CHEK1: variants seen among roughly 807,000 people sequenced by gnomAD.
CHEK1 encodes the protein serine/threonine-protein kinase Chk1.
In CHEK1, 32 loss-of-function variants were observed where a neutral mutation model predicts 60.2. The observed-to-expected ratio is 0.53, with a 90% CI of 0.40 to 0.71. CHEK1 has a LOEUF of 0.71. CHEK1 is among the 30% of genes least tolerant of loss of function. The pLI is 0.00. For missense variants in CHEK1, 399 were observed against 564.6 expected (o/e 0.71, Z 2.97); for synonymous variants, 179 against 187.2 (o/e 0.96, Z 0.36).
intron 11 of CHEK1, among the ~76,000 whole-genome samples, chr11:125,651,495 T>A (rs1439496441): frequency 6.6e-6 from 1 of 151,422 alleles, no homozygotes; most frequent in African/African-American, 2.4e-5. Context: ...ACCATGTTGG[T>A]CAGGCTGGTC....
At chr11:125,668,777 G>C (rs1232033910) in intron 13 of CHEK1, among the ~76,000 whole-genome samples, 3 of 151,986 alleles carry the variant, frequency 2.0e-5, no homozygotes, top group African/African-American at 7.2e-5. Context: ...GGCTGGTCTT[G>C]AACTTCAGGG....
chr11:125,647,668 C>T (rs1159095613), intron 11 of CHEK1, among the ~76,000 whole-genome samples: 4 of 152,038 alleles, frequency 2.6e-5, no homozygotes, highest in African/African-American at 9.7e-5. Context: ...GTGGATTTTA[C>T]ATTTGTTTGG....
rs1036004503 is a variant in CHEK1 at position 125,655,649 on chromosome 11, A to G, written c.*329A>G. 4.1e-6 allele frequency: 1 copy of G among 243,440 alleles called. No individual in the cohort carries two copies. The highest frequency in any genetic ancestry group is 7.9e-6 in the Non-Finnish European group (1 of 125,900). 15.1% of individuals were successfully genotyped at this position (243,440 alleles called of 1,614,324 possible). The stretch of plus-strand genomic sequence containing the variant: ...AGTTTTCCAGCTTTTATACACACGT[A>G]TCTCATTTTTATCAAAACATTTTGT... On this transcript the variant is annotated 3_prime_UTR_variant, in exon 13 of 13. Transcript: ENST00000438015.
downstream of CHEK1, chr11:125,676,414 C>G (rs771165917): frequency 6.2e-7 from 1 of 1,614,090 alleles, no homozygotes; most frequent in Non-Finnish European, 8.5e-7. Flanking sequence ...TGCAGGTTCC[C>G]TCTCCACGAA....
intron 8 of CHEK1, among the ~76,000 whole-genome samples, chr11:125,639,221 A>G (rs1326021114): frequency 1.3e-5 from 2 of 152,082 alleles, no homozygotes. Context: ...TTGTACCTGC[A>G]CAACAGATTG....
chr11:125,633,271 T>C lies in CHEK1; in HGVS notation c.533T>C (p.Leu178Pro). ...CGTLPYVAPE[L>P]LKRREFHAEP... ...ACTTTACCATATGTTGCTCCAGAAC[T>C]TCTGAAGAGAAGAGAATTTCATGCA... Residue 178 changes from leucine to proline, a missense_variant, in exon 6 of 13, where the codon CTT (leucine) becomes CCT (proline). Physicochemically the swap from Leu to Pro is moderately conservative, Grantham distance 98. This residue lies in a region of CHEK1 where 370 missense variants were observed against 494.8 expected (regional missense o/e 0.75). Coordinates refer to ENST00000438015, the MANE Select transcript of CHEK1 (RefSeq NM_001114122.3). The C allele has an allele frequency of 6.2e-7, 1 of 1,607,944 alleles. No individual in the cohort carries two copies. The highest frequency in any genetic ancestry group is 8.5e-7 in the Non-Finnish European group (1 of 1,178,336).
chr11:125,678,161 G>T (rs775377936), downstream of CHEK1: 2 of 1,614,086 alleles, frequency 1.2e-6, no homozygotes, highest in African/African-American at 2.7e-5. Context: ...CACTTAAAGT[G>T]TTCAGGCCTG....
intron 13 of CHEK1, among the ~76,000 whole-genome samples, chr11:125,669,522 C>CTTTTTTTTTTTTTT (rs67333022): frequency 8.7e-6 from 1 of 114,702 alleles, no homozygotes; most frequent in Non-Finnish European, 1.8e-5. Flanking sequence ...TTCTTTTTTC[C>CTTTTTTTTTTTTTT]TTTTTTTTTT....
At chr11:125,628,346 G>A (rs1940709811) in intron 3 of CHEK1, among the ~76,000 whole-genome samples, 2 of 152,180 alleles carry the variant, frequency 1.3e-5, no homozygotes, top group South Asian at 2.1e-4. Context: ...TCAAAGGATT[G>A]ATATTTCAGA....
intron 8 of CHEK1, among the ~76,000 whole-genome samples, chr11:125,640,466 C>T (rs34975438): frequency 1.5e-5 from 2 of 136,440 alleles, no homozygotes; most frequent in Admixed American, 7.3e-5. Context: ...GCGTGAACCC[C>T]GGGGGGCGGA....
rs748445411 is a variant in CHEK1, at chr11:125,633,208, A to T, written c.470A>T (p.Tyr157Phe). The T allele has an allele frequency of 8.7e-6, 14 of 1,602,884 alleles. No homozygotes were observed. The highest frequency in any genetic ancestry group is 1.7e-4 in the Middle Eastern group (1 of 6,036). The change falls in exon 6 of 13, where the codon TAT (tyrosine) becomes TTT (phenylalanine). Residue 157 changes from tyrosine (Y) to phenylalanine (F), a missense_variant. Around this residue, in one of 2 missense-constraint regions of CHEK1, gnomAD observed 370 missense variants for 494.8 expected, o/e 0.75. Coordinates refer to ENST00000438015, the MANE Select transcript of CHEK1 (RefSeq NM_001114122.3). The stretch of plus-strand genomic sequence containing the variant: ...TTTGGCTTGGCAACAGTATTTCGGT[A>T]TAATAATCGTGAGCGTTTGTTGAAC... ...SDFGLATVFR[Y>F]NNRERLLNKM... is the part of the protein sequence containing the mutation.
chr11:125,652,419 A>G (rs974263122), intron 11 of CHEK1, among the ~76,000 whole-genome samples: 1 of 152,172 alleles, frequency 6.6e-6, no homozygotes, highest in African/African-American at 2.4e-5. Flanking sequence ...TTTCAGCCAC[A>G]AGTCAGGCCT....
Position 125,653,961 on chromosome 11 carries a change from G to T in CHEK1, c.1335+114G>T. On this transcript the variant is annotated intron_variant, in intron 12 of 12. Coordinates refer to ENST00000438015, the MANE Select transcript of CHEK1 (RefSeq NM_001114122.3). The surrounding 1 kb of genome is among the most constrained non-coding windows in gnomAD (Gnocchi z 4.3). ...TGTAAATAGGTTACTTGCTTTTTTC[G>T]TTTAATATTATGAGCATGTGTTTTC... is the stretch of plus-strand genomic sequence containing the variant. 2 of 566,078 alleles carry T rather than the reference G, an allele frequency of 3.5e-6. No homozygotes were observed. The highest frequency in any genetic ancestry group is 3.3e-5 in the East Asian group (1 of 30,426). 35.1% of individuals were successfully genotyped at this position (566,078 alleles called of 1,614,324 possible). A position where few individuals can be genotyped will look rare whatever the true frequency, so the allele number is the denominator to read the frequency against.
Position 125,633,359 on chromosome 11 carries a change from C to G in CHEK1, c.613+8C>G. ...CTGCAATGCTCGCTGGAGGTAAGAG[C>G]TATTTAATCATGGTAAAACTCCTAT... On this transcript the variant is annotated splice_region_variant and intron_variant, in intron 6 of 12. Coordinates refer to ENST00000438015, the MANE Select transcript of CHEK1 (RefSeq NM_001114122.3). The G allele has an allele frequency of 6.6e-6, 10 of 1,520,572 alleles. No homozygotes were observed. The highest frequency in any genetic ancestry group is 8.8e-6 in the Non-Finnish European group (10 of 1,140,500). The allele number at this position is 1,520,572 out of a possible 1,614,324, so 94.2% of individuals were successfully genotyped here. A position where few individuals can be genotyped will look rare whatever the true frequency, so the allele number is the denominator to read the frequency against.
At chr11:125,647,765 T>G (rs1200342365) in intron 11 of CHEK1, among the ~76,000 whole-genome samples, 2 of 152,248 alleles carry the variant, frequency 1.3e-5, no homozygotes, top group African/African-American at 4.8e-5. Context: ...ATGCTTCATA[T>G]ATACCTGATA....
intron 8 of CHEK1, among the ~76,000 whole-genome samples, chr11:125,639,900 G>A (rs765201666): frequency 1.3e-5 from 2 of 152,092 alleles, no homozygotes; most frequent in African/African-American, 2.4e-5. Context: ...ACTTTGTCTA[G>A]CAATTTTTCT....
rs1941873292 is a variant in CHEK1, at chr11:125,655,314, C to T, written c.1425C>T (p.Ala475=). The change falls in exon 13 of 13, where the codon GCC becomes GCT. Residue 475 remains alanine (A), a synonymous_variant. Transcript: ENST00000438015. ...GCAGCCAGAAGATTTGGCTTCCTGC[C>T]ACATGATCGGACCATCGGCTCTGGG... ...IVSSQKIWLP[A]T is the part of the protein sequence containing the mutation. The T allele has an allele frequency of 2.5e-6, 4 of 1,609,288 alleles. No individual in the cohort carries two copies. The highest frequency in any genetic ancestry group is 3.4e-6 in the Non-Finnish European group (4 of 1,175,798).
At chr11:125,668,927 A>G (rs1433868764) in intron 13 of CHEK1, among the ~76,000 whole-genome samples, 1 of 152,104 alleles carries the variant, frequency 6.6e-6, no homozygotes, top group Admixed American at 6.6e-5. Flanking sequence ...AAGGATTATC[A>G]TATCTTATCA....
intron 8 of CHEK1, among the ~76,000 whole-genome samples, chr11:125,641,489 T>C (rs1265410397): frequency 1.3e-5 from 2 of 152,244 alleles, no homozygotes; most frequent in African/African-American, 4.8e-5. Flanking sequence ...TATATCAACC[T>C]AGACCTTTCC....
Sources: gnomAD v4.1 joint callset for allele counts (sites outside exome capture counted in the v4.1 genomes callset) on GRCh38, gnomAD v4.1.1 for gene constraint, gnomAD v4.1.1 regional missense constraint, Gnocchi (gnomAD v3.1) non-coding constraint, MANE v1.5 for transcripts, NCBI Gene and HGNC (gene_info 2026-07-23, HGNC 2026-07-21) for gene names.